PDGFRB: variants seen among roughly 807,000 people sequenced by gnomAD.
PDGFRB encodes platelet derived growth factor receptor beta, also known as platelet-derived growth factor receptor beta.
A neutral mutation model predicts 120.2 loss-of-function variants in PDGFRB; 42 were observed. That is an observed-to-expected ratio of 0.35 (90% confidence interval 0.27 to 0.45). The LOEUF (loss-of-function observed/expected upper bound fraction) is 0.45. Ranked by LOEUF, PDGFRB falls within the 20% of genes least tolerant of loss-of-function variation. The pLI, the probability that PDGFRB is intolerant of heterozygous loss-of-function variation, is 1.00. For missense variants in PDGFRB, 1,149 were observed against 1,476.3 expected (o/e 0.78, Z 3.63); for synonymous variants, 586 against 606.8 (o/e 0.97, Z 0.50).
intron 10 of PDGFRB, among the ~76,000 whole-genome samples, chr5:150,127,833 T>TAAAAA (rs56899708): frequency 0.11 from 6,936 of 62,324 alleles, 769 homozygotes; most frequent in Non-Finnish European, 0.14. Flanking sequence ...GACTCCATCT[T>TAAAAA]AAAAAAAAAA....
At chr5:150,118,283 G>C (rs1215405726) in intron 21 of PDGFRB, among the ~76,000 whole-genome samples, 2 of 152,188 alleles carry the variant, frequency 1.3e-5, no homozygotes, top group African/African-American at 4.8e-5. Flanking sequence ...CTGTGTCAAA[G>C]GCCATGTGTA....
intron 1 of PDGFRB, among the ~76,000 whole-genome samples, chr5:150,150,785 T>C (rs1444949334): frequency 2.6e-5 from 4 of 152,072 alleles, no homozygotes; most frequent in Non-Finnish European, 5.9e-5. Flanking sequence ...CCTGTGTCCA[T>C]TCCCCCCCTC....
intron 1 of PDGFRB, among the ~76,000 whole-genome samples, chr5:150,138,228 C>T (rs1760691819): frequency 6.6e-6 from 1 of 152,192 alleles, no homozygotes; most frequent in South Asian, 2.1e-4. Context: ...CAACAAGGAG[C>T]CTCCTCTGGC....
Position 150,126,627 on chromosome 5 carries a change from A to G in PDGFRB, c.1580-13T>C. ...TTAAAGGGCAAGGCTGGAGGCAGAG[A>G]TGAGAGCAGGCCATGAGCAAACTGG... On this transcript the variant is annotated splice_polypyrimidine_tract_variant and intron_variant, in intron 10 of 22. Transcript: ENST00000261799. 6.6e-7 allele frequency: 1 copy of G among 1,515,772 alleles called. No homozygotes were observed. The highest frequency in any genetic ancestry group is 9.2e-7 in the Non-Finnish European group (1 of 1,090,514). 93.9% of individuals were successfully genotyped at this position (1,515,772 alleles called of 1,614,324 possible). A position where few individuals can be genotyped will look rare whatever the true frequency, so the allele number is the denominator to read the frequency against.
chr5:150,136,604 A>G (rs1760639705), intron 2 of PDGFRB, among the ~76,000 whole-genome samples: 1 of 152,102 alleles, frequency 6.6e-6, no homozygotes. Flanking sequence ...AGCTGAAGAC[A>G]TGTTAACGGG....
chr5:150,128,010 C>T (rs1372744586), intron 10 of PDGFRB, among the ~76,000 whole-genome samples: 4 of 152,216 alleles, frequency 2.6e-5, no homozygotes, highest in East Asian at 3.9e-4. Context: ...TACCTATCCT[C>T]GCCATGCCTT....
Position 150,125,832 on chromosome 5 carries a change from C to T in PDGFRB, c.1675-255G>A, listed in dbSNP as rs536360069. Among the ~76,000 whole-genome samples, 114 of 152,342 alleles carry T rather than the reference C, an allele frequency of 7.5e-4. 1 individual carries two copies. Among genetic ancestry groups the T allele is most frequent in the Middle Eastern group, 3.4e-3 (1 of 294 alleles). On this transcript the variant is annotated intron_variant, in intron 11 of 22. Transcript: ENST00000261799. Reference sequence around the variant, plus strand: ...GAGCAACTGGCAGCTGAGGGCCTGGCTCATGAGAACCTCCTCTCTAGCTTC... The same window carrying T: ...GAGCAACTGGCAGCTGAGGGCCTGGTTCATGAGAACCTCCTCTCTAGCTTC...
intron 10 of PDGFRB, 122 bp downstream of exon 10, chr5:150,129,635 C>A (rs141765057): frequency 1.2e-4 from 84 of 720,614 alleles, no homozygotes; most frequent in Non-Finnish European, 2.1e-5. Context: ...TCACAATGCT[C>A]CTGTTTGCCC....
intron 8 of PDGFRB, among the ~76,000 whole-genome samples, chr5:150,131,366 A>G (rs1760460537): frequency 6.6e-6 from 1 of 152,032 alleles, no homozygotes; most frequent in African/African-American, 2.4e-5. Flanking sequence ...CCTTTCCCCA[A>G]ATATCCACTA....
rs1760581211 is a variant in PDGFRB, at chr5:150,134,987, C to T, written c.394G>A (p.Ala132Thr). The change falls in exon 4 of 23, where the codon GCC becomes ACC. Residue 132 changes from alanine (A) to threonine (T), a missense_variant. Physicochemically the swap from Ala to Thr is moderately conservative, Grantham distance 58. Coordinates refer to ENST00000261799, the MANE Select transcript of PDGFRB (RefSeq NM_002609.4). ...GTGAGAAAGATGAATAGTTCCTCGG[C>T]ATCATTAGGGAGGAAGCCCACGGTG... ...DPTVGFLPND[A>T]EELFIFLTEI... 2 of 1,608,128 alleles carry T rather than the reference C, an allele frequency of 1.2e-6. No individual in the cohort carries two copies. Among genetic ancestry groups the T allele is most frequent in the Non-Finnish European group, 8.5e-7 (1 of 1,175,936 alleles).
intron 10 of PDGFRB, among the ~76,000 whole-genome samples, chr5:150,129,245 A>G (rs1760383722): frequency 6.6e-6 from 1 of 152,246 alleles, no homozygotes; most frequent in Non-Finnish European, 1.5e-5. Flanking sequence ...ACATGCATAC[A>G]GACATACACT....
At chr5:150,119,648 G>A in intron 19 of PDGFRB, 82 bp from the exon 20 acceptor site, 1 of 848,918 alleles carries the variant, frequency 1.2e-6, no homozygotes, top group Non-Finnish European at 2.0e-6. Context: ...GACAAGGAGA[G>A]CCATGCTGGC....
intron 2 of PDGFRB, 145 bp downstream of exon 2, chr5:150,136,863 C>T: frequency 3.0e-6 from 2 of 669,654 alleles, no homozygotes; most frequent in South Asian, 3.4e-5. Context: ...ACAGAGCCCA[C>T]TGGAAATCCT....
chr5:150,151,861 CAAAAAAAA>C (rs57873398), intron 1 of PDGFRB, among the ~76,000 whole-genome samples: 2 of 74,386 alleles, frequency 2.7e-5, no homozygotes, highest in Admixed American at 3.1e-4. Flanking sequence ...GACTCCATCT[CAAAAAAAA>C]AAAAAAAAAA....
chr5:150,126,600 C>A lies in PDGFRB; in HGVS notation c.1594G>T (p.Val532Leu), dbSNP rs1561998208. 6.2e-7 allele frequency: 1 copy of A among 1,600,224 alleles called. No homozygotes were observed. Among genetic ancestry groups the A allele is most frequent in the East Asian group, 2.2e-5 (1 of 44,822 alleles). ...IVVPHSLPFK[V>L]VVISAILALV... ...GCCAGGATGGCTGAGATCACCACCA[C>A]CTTAAAGGGCAAGGCTGGAGGCAGA... is the stretch of plus-strand genomic sequence containing the variant. Residue 532 changes from valine (V) to leucine (L), a missense_variant, in exon 11 of 23, where the codon GTG (valine) becomes TTG (leucine). Coordinates refer to ENST00000261799, the MANE Select transcript of PDGFRB (RefSeq NM_002609.4).
At chr5:150,155,334 G>T in intron 1 of PDGFRB, 63 bp downstream of exon 1, 10 of 244,930 alleles carry the variant, frequency 4.1e-5, no homozygotes, top group East Asian at 6.7e-5. Context: ...TACTCGAAGA[G>T]ATGCAGGTTA....
chr5:150,143,628 G>A (rs1445972728), intron 1 of PDGFRB, among the ~76,000 whole-genome samples: 4 of 152,102 alleles, frequency 2.6e-5, no homozygotes. Context: ...CGGCAAGTCT[G>A]GTCCATGTGG....
rs1580796656 is a variant in PDGFRB at position 150,121,623 on chromosome 5, C to G, written c.2344+257G>C. Among the ~76,000 whole-genome samples the G allele has an allele frequency of 6.6e-6, 1 of 152,358 alleles. No individual in the cohort carries two copies. Among genetic ancestry groups the G allele is most frequent in the East Asian group, 1.9e-4 (1 of 5,184 alleles). On this transcript the variant is annotated intron_variant, in intron 16 of 22. Transcript: ENST00000261799. The surrounding 1 kb of genome is among the most constrained non-coding windows in gnomAD (Gnocchi z 4.1). ...AAGCTGAGTAGATCACTTTCCCTAC[C>G]ACGACAAAAGGCCAGGTCCTCCCAT...
intron 21 of PDGFRB, among the ~76,000 whole-genome samples, chr5:150,118,407 G>C (rs924894972): frequency 8.5e-5 from 13 of 152,286 alleles, no homozygotes; most frequent in African/African-American, 3.1e-4. Flanking sequence ...GCGGTTCATG[G>C]TCATGTAACC....
Sources: gnomAD v4.1 joint callset for allele counts (sites outside exome capture counted in the v4.1 genomes callset) on GRCh38, gnomAD v4.1.1 for gene constraint, Gnocchi (gnomAD v3.1) non-coding constraint, MANE v1.5 for transcripts, NCBI Gene and HGNC (gene_info 2026-07-23, HGNC 2026-07-21) for gene names.